LARP4B: variants seen among roughly 807,000 people sequenced by gnomAD.
LARP4B encodes la-related protein 4B.
Under a neutral mutation model 89.8 loss-of-function variants are expected in LARP4B, and 12 were observed. That is an observed-to-expected ratio of 0.13 (90% CI 0.09 to 0.22). The LOEUF (loss-of-function observed/expected upper bound fraction) is 0.22, where lower values mean the gene tolerates loss of function less well. Among genes scored for constraint, LARP4B ranks in the 10% least tolerant of loss-of-function variants. The pLI is 1.00. For synonymous variants in LARP4B, 367 were observed against 363.3 expected (o/e 1.01, Z -0.12); for missense variants, 757 against 947.7 (o/e 0.80, Z 2.64).
At chr10:820,742 G>A (rs1433374079) in intron 14 of LARP4B, 58 bp downstream of exon 14, 2 of 1,411,760 alleles carry the variant, frequency 1.4e-6, no homozygotes, top group Non-Finnish European at 2.0e-6. Flanking sequence ...TAAATCTCAG[G>A]TTTGGTATAA....
At chr10:840,019 G>C (rs1364294912) in intron 7 of LARP4B, among the ~76,000 whole-genome samples, 1 of 150,390 alleles carries the variant, frequency 6.6e-6, no homozygotes, top group Non-Finnish European at 1.5e-5. Flanking sequence ...AAAAGAAAGT[G>C]ATATTGCATA....
the LARP4B span, among the ~76,000 whole-genome samples, chr10:941,565 G>A: frequency 2.0e-5 from 3 of 151,934 alleles, no homozygotes; most frequent in Non-Finnish European, 2.9e-5. Context: ...CAGGTGATCC[G>A]CCCGCCTTGG....
At chr10:826,862 A>G (rs537220691) in intron 11 of LARP4B, among the ~76,000 whole-genome samples, 36 of 152,384 alleles carry the variant, frequency 2.4e-4, no homozygotes, top group Admixed American at 7.8e-4. Context: ...ACTGGAAGAT[A>G]TAACAGAAAA....
intron 5 of LARP4B, among the ~76,000 whole-genome samples, chr10:858,781 C>G (rs926107573): frequency 6.6e-6 from 1 of 152,154 alleles, no homozygotes; most frequent in South Asian, 2.1e-4. Flanking sequence ...AAAAAGGGTG[C>G]TTGGCATCAC....
chr10:937,287 C>T, the LARP4B span, among the ~76,000 whole-genome samples: 1 of 152,170 alleles, frequency 6.6e-6, no homozygotes. Flanking sequence ...AAGCAATCCG[C>T]TTACTTCGAC....
At chr10:986,259 G>T in the LARP4B span, 1 of 152,312 alleles carries the variant, frequency 6.6e-6, no homozygotes, top group African/African-American at 2.4e-5. Flanking sequence ...ACCCTTGAGA[G>T]CATCCTTTAC....
chr10:910,930 G>A (rs1372311727), intron 1 of LARP4B, among the ~76,000 whole-genome samples: 3 of 152,142 alleles, frequency 2.0e-5, no homozygotes, highest in Non-Finnish European at 4.4e-5. Context: ...CCGTCCCCTG[G>A]CAGTTAGGGA....
At chr10:869,006 A>G (rs1835052935) in intron 3 of LARP4B, among the ~76,000 whole-genome samples, 1 of 152,204 alleles carries the variant, frequency 6.6e-6, no homozygotes, top group African/African-American at 2.4e-5. Context: ...TTGTTGAATG[A>G]TGTTGACATT....
At chr10:891,080 G>A (rs1836004368) in intron 1 of LARP4B, among the ~76,000 whole-genome samples, 1 of 151,130 alleles carries the variant, frequency 6.6e-6, no homozygotes, top group African/African-American at 2.4e-5. Flanking sequence ...TATTTTTTTA[G>A]ACAATTGGAA....
At chr10:895,294 TTAAGACTTCA>T (rs1836151212) in intron 1 of LARP4B, among the ~76,000 whole-genome samples, 1 of 152,080 alleles carries the variant, frequency 6.6e-6, no homozygotes, top group Non-Finnish European at 1.5e-5. Flanking sequence ...CAGTACACAC[TTAAGACTTCA>T]TATGCTTATT....
chr10:862,279 A>AAAAAAAAAAAAAAAAAAAAAAAAAAC (rs749904539), intron 5 of LARP4B, among the ~76,000 whole-genome samples: 1 of 140,408 alleles, frequency 7.1e-6, no homozygotes, highest in Non-Finnish European at 1.6e-5. Context: ...AAAAAAAAAA[A>AAAAAAAAAAAAAAAAAAAAAAAAAAC]AACAACCGTC....
chr10:838,520 C>T (rs887906763), intron 7 of LARP4B, among the ~76,000 whole-genome samples: 3 of 152,166 alleles, frequency 2.0e-5, no homozygotes, highest in African/African-American at 7.2e-5. Flanking sequence ...AAACGCTTCA[C>T]ATCATATGTC....
intron 1 of LARP4B, among the ~76,000 whole-genome samples, chr10:927,859 T>C (rs1308539523): frequency 6.6e-6 from 1 of 152,156 alleles, no homozygotes. Flanking sequence ...GAAAAGAATA[T>C]CCCTAAATCT....
At chr10:862,279 A>AAAAAAAC (rs749904539) in intron 5 of LARP4B, among the ~76,000 whole-genome samples, 20 of 140,442 alleles carry the variant, frequency 1.4e-4, no homozygotes, top group Non-Finnish European at 2.0e-4. Flanking sequence ...AAAAAAAAAA[A>AAAAAAAC]AACAACCGTC....
At chr10:912,492 C>A (rs976597410) in intron 1 of LARP4B, among the ~76,000 whole-genome samples, 9 of 152,014 alleles carry the variant, frequency 5.9e-5, no homozygotes, top group African/African-American at 2.2e-4. Flanking sequence ...CAAATGTTTT[C>A]TTTTTCCACT....
chr10:912,088 G>A (rs1402872108), intron 1 of LARP4B, among the ~76,000 whole-genome samples: 1 of 152,218 alleles, frequency 6.6e-6, no homozygotes, highest in Non-Finnish European at 1.5e-5. Context: ...GAGAAGCACT[G>A]TGGAAGCTCT....
At chr10:858,748 G>A (rs545421162) in intron 5 of LARP4B, among the ~76,000 whole-genome samples, 2 of 152,210 alleles carry the variant, frequency 1.3e-5, no homozygotes, top group South Asian at 4.1e-4. Context: ...TTTATCCAAA[G>A]AAGACAAATG....
intron 1 of LARP4B, among the ~76,000 whole-genome samples, chr10:914,522 C>T (rs922022203): frequency 6.7e-5 from 10 of 148,226 alleles, no homozygotes; most frequent in African/African-American, 2.0e-4. Context: ...TCGAGTGAGG[C>T]GTGGTGGCTC....
At chr10:886,670 T>C (rs1181664189) in intron 1 of LARP4B, among the ~76,000 whole-genome samples, 1 of 152,230 alleles carries the variant, frequency 6.6e-6, no homozygotes, top group African/African-American at 2.4e-5. Context: ...TGCTATAACA[T>C]GGGTGAACCT....
Sources: allele counts gnomAD v4.1 joint callset (sites outside exome capture counted in the v4.1 genomes callset), GRCh38; gene constraint gnomAD v4.1.1; transcripts MANE v1.5; gene names NCBI Gene and HGNC (gene_info 2026-07-23, HGNC 2026-07-21).